Variants in ORMDL1 observed in about 807,000 individuals in gnomAD.
The protein encoded by ORMDL1 is ORMDL sphingolipid biosynthesis regulator 1, also known as ORM1-like protein 1.
ORMDL1 carries 10 observed loss-of-function variants against 13.0 expected under a neutral mutation model. That is an observed-to-expected ratio of 0.77 (90% CI 0.47 to 1.30). The LOEUF (loss-of-function observed/expected upper bound fraction) is 1.30. Among genes scored for constraint, ORMDL1 ranks in the 50% most tolerant of loss-of-function variants. The pLI is 0.00. For missense variants in ORMDL1, 171 were observed against 186.7 expected, an observed-to-expected ratio of 0.92 and a Z score of 0.49; for synonymous variants, 61 against 63.9, an observed-to-expected ratio of 0.95 and a Z score of 0.22.
At chr2:189,771,930 A>G (rs938344826) in intron 4 of ORMDL1, 28 bp from the exon 5 acceptor site, 4 of 1,467,126 alleles carry the variant, frequency 2.7e-6, no homozygotes, top group African/African-American at 1.5e-5. Context: ...AAGAATATAT[A>G]TAACATCCAA....
At chr2:189,764,512 G>A in the ORMDL1 span, 1 of 152,156 alleles carries the variant, frequency 6.6e-6, no homozygotes, top group Non-Finnish European at 1.5e-5. Context: ...CCGAATATAT[G>A]TAAAGTGGCA....
rs145844396 is a variant in ORMDL1, at chr2:189,777,501, T to C, written c.175-1785A>G. On this transcript the variant is annotated intron_variant, in intron 3 of 4. Transcript: ENST00000392349. The stretch of plus-strand genomic sequence containing the variant: ...CTTCAAACCATATGTACTTAACTAG[T>C]GTTTAGAATATCAAAACAGTTTATT... 8.3e-3 allele frequency among the ~76,000 whole-genome samples: 1,265 copies of C among 152,356 alleles called. 9 individuals are homozygous for C. Among genetic ancestry groups the C allele is most frequent in the Admixed American group, 0.02 (307 of 15,298 alleles).
chr2:189,772,383 G>C (rs1277995327), intron 4 of ORMDL1, among the ~76,000 whole-genome samples: 1 of 152,142 alleles, frequency 6.6e-6, no homozygotes, highest in Non-Finnish European at 1.5e-5. Flanking sequence ...ATAAATATTT[G>C]GTTGCCCTTT....
At chr2:189,780,605 G>A (rs1214621715) in intron 3 of ORMDL1, among the ~76,000 whole-genome samples, 1 of 152,060 alleles carries the variant, frequency 6.6e-6, no homozygotes, top group East Asian at 1.9e-4. Context: ...AAGAGATGAA[G>A]AAAAGAACCT....
Position 189,770,351 on chromosome 2 carries a change from A to G in ORMDL1, c.*1416T>C, listed in dbSNP as rs1394137939. The stretch of plus-strand genomic sequence containing the variant: ...TATTACACCAACGAAAAATTTTATT[A>G]AATTATAGATCACCAGTTATTTAAA... On this transcript the variant is annotated 3_prime_UTR_variant, in exon 5 of 5. Transcript: ENST00000392349. 1 of 152,106 alleles carries G rather than the reference A, an allele frequency of 6.6e-6. No homozygotes were observed. Among genetic ancestry groups the G allele is most frequent in the African/African-American group, 2.4e-5 (1 of 41,362 alleles). The allele number at this position is 152,106 out of a possible 1,614,324, so 9.4% of individuals were successfully genotyped here. A position where few individuals can be genotyped will look rare whatever the true frequency, so the allele number is the denominator to read the frequency against.
intron 4 of ORMDL1, among the ~76,000 whole-genome samples, chr2:189,773,722 C>CAAA (rs56366510): frequency 9.3e-5 from 6 of 64,318 alleles, no homozygotes; most frequent in African/African-American, 1.3e-4. Context: ...ACTCTTGTCT[C>CAAA]AAAAAAAAAA....
the ORMDL1 span, chr2:189,765,175 G>A: frequency 6.6e-6 from 1 of 152,118 alleles, no homozygotes; most frequent in South Asian, 2.1e-4. Context: ...TGTCCTACTA[G>A]GTTAGGTTTT....
rs2047587368 is a variant in ORMDL1 at position 189,771,905 on chromosome 2, G to A, written c.327-3C>T. The A allele has an allele frequency of 6.4e-7, 1 of 1,570,728 alleles. No individual in the cohort carries two copies. Among genetic ancestry groups the A allele is most frequent in the African/African-American group, 1.4e-5 (1 of 72,968 alleles). Reference sequence around the variant, plus strand: ...TATAGAAACTTGCCAGAAAATATCTGTAGAGATAAAAGTTAAGAATATATA... The same window carrying A: ...TATAGAAACTTGCCAGAAAATATCTATAGAGATAAAAGTTAAGAATATATA... On this transcript the variant is annotated splice_region_variant and splice_polypyrimidine_tract_variant and intron_variant, in intron 4 of 4. Coordinates refer to ENST00000392349, the MANE Select transcript of ORMDL1 (RefSeq NM_016467.5).
At chr2:189,777,077 A>G (rs924651564) in intron 3 of ORMDL1, among the ~76,000 whole-genome samples, 4 of 152,132 alleles carry the variant, frequency 2.6e-5, no homozygotes, top group African/African-American at 4.8e-5. Context: ...CCTTAGAAAA[A>G]CCTACCTCAT....
rs144434366 is a variant in ORMDL1, at chr2:189,781,517, G to A, written c.174+905C>T. ...TAGAGCTAACACAAGAGAGTAACAA[G>A]CAGCAGCTAAGGCACCATAAGATCC... is the stretch of plus-strand genomic sequence containing the variant. On this transcript the variant is annotated intron_variant, in intron 3 of 4. Coordinates refer to ENST00000392349, the MANE Select transcript of ORMDL1 (RefSeq NM_016467.5). 5.3e-5 allele frequency among the ~76,000 whole-genome samples: 8 copies of A among 152,092 alleles called. No individual in the cohort carries two copies. The East Asian group carries it at 5.8e-4, about 11-fold the overall frequency.
At chr2:189,777,430 A>C (rs1372050601) in intron 3 of ORMDL1, among the ~76,000 whole-genome samples, 1 of 152,244 alleles carries the variant, frequency 6.6e-6, no homozygotes, top group Non-Finnish European at 1.5e-5. Flanking sequence ...ATTCCAGACC[A>C]CATAGATATT....
chr2:189,780,425 T>C (rs115218755), intron 3 of ORMDL1, among the ~76,000 whole-genome samples: 1,836 of 152,300 alleles, frequency 0.012, 45 homozygotes, highest in African/African-American at 0.042. Flanking sequence ...GAGGATCAGA[T>C]TGTGGGTGGT....
At chr2:189,773,101 T>C (rs539280207) in intron 4 of ORMDL1, among the ~76,000 whole-genome samples, 2 of 152,244 alleles carry the variant, frequency 1.3e-5, no homozygotes, top group South Asian at 4.1e-4. Flanking sequence ...TCATTACAGG[T>C]TGAATCTATA....
intron 3 of ORMDL1, among the ~76,000 whole-genome samples, chr2:189,782,038 G>A (rs903967605): frequency 2.6e-5 from 4 of 151,614 alleles, no homozygotes; most frequent in Non-Finnish European, 4.4e-5. Flanking sequence ...TGCCTCCCAG[G>A]TTCAAGCGAT....
intron 3 of ORMDL1, 116 bp downstream of exon 3, chr2:189,782,305 CA>C: frequency 9.7e-6 from 9 of 930,798 alleles, no homozygotes; most frequent in Non-Finnish European, 1.1e-5. Context: ...CTTCATCTTG[CA>C]AAACCAAAAA....
intron 4 of ORMDL1, 148 bp downstream of exon 4, chr2:189,775,417 A>G: frequency 1.2e-6 from 1 of 820,288 alleles, no homozygotes; most frequent in Non-Finnish European, 1.8e-6. Flanking sequence ...CTTGTTAAAA[A>G]TTTTGTCTAT....
At chr2:189,766,458 T>C (rs922520752), downstream of ORMDL1, among the ~76,000 whole-genome samples, 1 of 152,168 alleles carries the variant, frequency 6.6e-6, no homozygotes, top group Admixed American at 6.5e-5. Flanking sequence ...CCGGGCACAG[T>C]GGCTCGCGCC....
At position 189,782,596 on chromosome 2, in the gene ORMDL1, G is replaced by A; in HGVS notation, c.-1C>T. 6.2e-7 allele frequency: 1 copy of A among 1,613,574 alleles called. No individual in the cohort carries two copies. The highest frequency in any genetic ancestry group is 8.5e-7 in the Non-Finnish European group (1 of 1,179,640). Reference sequence around the variant, plus strand: ...CACTGTGGGCAACTCCAACGTTCATGTTTGCTCTGTAGGAAGTAATGAAAT... The same window carrying A: ...CACTGTGGGCAACTCCAACGTTCATATTTGCTCTGTAGGAAGTAATGAAAT... On this transcript the variant is annotated 5_prime_UTR_variant, in exon 3 of 5. Coordinates refer to ENST00000392349, the MANE Select transcript of ORMDL1 (RefSeq NM_016467.5).
At chr2:189,775,821 T>A in intron 3 of ORMDL1, 105 bp from the exon 4 acceptor site, 3 of 1,099,354 alleles carry the variant, frequency 2.7e-6, no homozygotes, top group Non-Finnish European at 3.7e-6. Flanking sequence ...GTGTGTGATT[T>A]AACTGAGTTC....
Sources: gnomAD v4.1 joint callset for allele counts (sites outside exome capture counted in the v4.1 genomes callset) on GRCh38, gnomAD v4.1.1 for gene constraint, MANE v1.5 for transcripts, NCBI Gene and HGNC (gene_info 2026-07-23, HGNC 2026-07-21) for gene names.